The following NDRG2 variants were observed in gnomAD, a reference collection of about 807,000 sequenced individuals.
NDRG2 encodes NDRG family member 2, also known as protein NDRG2.
A neutral mutation model predicts 58.2 loss-of-function variants in NDRG2; 34 were observed. The ratio of observed to expected loss-of-function variants is 0.58; its 90% CI spans 0.44 to 0.78. The LOEUF is 0.78. NDRG2 is among the 30% of genes least tolerant of loss of function. NDRG2 has a pLI of 0.00. For synonymous variants in NDRG2, 187 were observed against 175.9 expected, an observed-to-expected ratio of 1.06 and a Z score of -0.50; for missense variants, 434 against 471.2, an observed-to-expected ratio of 0.92 and a Z score of 0.73.
At chr14:21,049,356 T>A (rs188297414) in intron 1 of NDRG2, among the ~76,000 whole-genome samples, 1 of 152,286 alleles carries the variant, frequency 6.6e-6, no homozygotes, top group Admixed American at 6.5e-5. Flanking sequence ...GTCCAGTGGA[T>A]TGGTTATAGC....
intron 3 of NDRG2, 139 bp downstream of exon 3, chr14:21,022,725 G>C: frequency 2.6e-6 from 2 of 769,926 alleles, no homozygotes; most frequent in Non-Finnish European, 4.2e-6. Context: ...GGAAGGAGAG[G>C]GGAGAGATAG....
intron 1 of NDRG2, among the ~76,000 whole-genome samples, chr14:21,053,159 T>C (rs1885539229): frequency 1.3e-5 from 2 of 152,156 alleles, no homozygotes; most frequent in South Asian, 2.1e-4. Context: ...TTCATGTCAC[T>C]GAAGGTATTC....
At chr14:21,051,535 A>T (rs1885467937) in intron 1 of NDRG2, among the ~76,000 whole-genome samples, 1 of 152,168 alleles carries the variant, frequency 6.6e-6, no homozygotes, top group Admixed American at 6.5e-5. Context: ...CTCCCTCATG[A>T]AGATGAATCC....
chr14:21,050,547 A>G (rs1195166366), intron 1 of NDRG2, among the ~76,000 whole-genome samples: 1 of 152,210 alleles, frequency 6.6e-6, no homozygotes, highest in East Asian at 1.9e-4. Flanking sequence ...TGCTTCCCAG[A>G]ATTTCCCCTG....
At position 21,022,497 on chromosome 14, in the gene NDRG2, T is replaced by C; in HGVS notation, c.118A>G (p.Thr40Ala). 1 of 1,611,266 alleles carries C rather than the reference T, an allele frequency of 6.2e-7. No homozygotes were observed. The highest frequency in any genetic ancestry group is 2.2e-5 in the East Asian group (1 of 44,834). ...AARILLDQGQ[T>A]HSVETPYGSV... Reference sequence around the variant, plus strand: ...CCGTATGGTGTCTCCACAGAGTGAGTCTGCAGGAAAACAGGGCACCAAGAG... The same window carrying C: ...CCGTATGGTGTCTCCACAGAGTGAGCCTGCAGGAAAACAGGGCACCAAGAG... The change falls in exon 4 of 16, where the codon ACT (threonine) becomes GCT (alanine). Residue 40 changes from threonine (T) to alanine (A), a missense_variant and splice_region_variant. By Grantham distance (58) the Thr-to-Ala change is moderately conservative. Coordinates refer to ENST00000556147, the MANE Select transcript of NDRG2 (RefSeq NM_001320329.2).
In NDRG2 at chr14:21,018,481, G is replaced by A; in HGVS notation, c.837C>T (p.Asp279=). Residue 279 remains aspartate (D), a synonymous_variant, in exon 13 of 16, where the codon GAC becomes GAT. Coordinates refer to ENST00000556147, the MANE Select transcript of NDRG2 (RefSeq NM_001320329.2). The stretch of plus-strand genomic sequence containing the variant: ...CCTTGAGGAACGAGGTCTGGGTGGG[G>A]TCCAGTTTTGAGTTACATTCCACCT... ...DAVVECNSKL[D]PTQTSFLKMA... is the part of the protein sequence containing the mutation. The A allele has an allele frequency of 6.2e-7, 1 of 1,614,098 alleles. No homozygotes were observed. The highest frequency in any genetic ancestry group is 8.5e-7 in the Non-Finnish European group (1 of 1,179,992).
At chr14:21,061,899 A>G (rs2319621) in intron 1 of NDRG2, among the ~76,000 whole-genome samples, 134,370 of 152,222 alleles carry the variant, frequency 0.88, 59,410 homozygotes, top group Admixed American at 0.91. Flanking sequence ...AAGGTTTTTA[A>G]GTATTCAGGA....
chr14:21,033,260 C>T, intron 1 of NDRG2: 1 of 314,522 alleles, frequency 3.2e-6, no homozygotes, highest in Non-Finnish European at 6.1e-6. Flanking sequence ...CATGATTTCA[C>T]AGAGAGAAGC....
chr14:21,066,762 G>T (rs1886292246), intron 1 of NDRG2, among the ~76,000 whole-genome samples: 2 of 152,150 alleles, frequency 1.3e-5, no homozygotes, highest in Admixed American at 1.3e-4. Context: ...TGGTGGTATG[G>T]ACCTTGATGA....
chr14:21,043,678 C>T (rs1885017648), intron 1 of NDRG2: 7 of 534,330 alleles, frequency 1.3e-5, no homozygotes. Context: ...TGCTTATCCC[C>T]AAGAAACAGC....
rs1001783881 is a variant in NDRG2 at position 21,024,597 on chromosome 14, C to G, written c.-574G>C. The G allele has an allele frequency of 1.0e-6, 1 of 985,400 alleles. No individual in the cohort carries two copies. Among genetic ancestry groups the G allele is most frequent in the African/African-American group, 1.7e-5 (1 of 57,264 alleles). 61.0% of individuals were successfully genotyped at this position (985,400 alleles called of 1,614,324 possible). A position where few individuals can be genotyped will look rare whatever the true frequency, so the allele number is the denominator to read the frequency against. The stretch of plus-strand genomic sequence containing the variant: ...GGTGCCGTCGCTTCTCTCCTCTACT[C>G]AGTCTCCGTGTAGGTCCCACGAGTG... On this transcript the variant is annotated 5_prime_UTR_variant, in exon 1 of 16. Coordinates refer to ENST00000556147, the MANE Select transcript of NDRG2 (RefSeq NM_001320329.2).
At chr14:21,032,933 A>T in intron 1 of NDRG2, 2 of 455,974 alleles carry the variant, frequency 4.4e-6, no homozygotes, top group South Asian at 3.1e-5. Context: ...GTTACATCTT[A>T]CATACTCAGA....
intron 1 of NDRG2, among the ~76,000 whole-genome samples, chr14:21,046,551 A>ATACATACCTACATACATACC (rs145760049): frequency 4.9e-5 from 7 of 142,048 alleles, no homozygotes; most frequent in Admixed American, 4.1e-4. Flanking sequence ...AAATACATAC[A>ATACATACCTACATACATACC]TACATACATA....
rs377173619 is a variant in NDRG2, at chr14:21,043,262, C to G, written c.25-19941G>C. On this transcript the variant is annotated intron_variant, in intron 1 of 14. Coordinates refer to the NDRG2 transcript ENST00000403829. The stretch of plus-strand genomic sequence containing the variant: ...CCTGCCAGACCCCCAAAATAGCCTG[C>G]AAGAATGGCGATAAAAACTGCCACC... 14 of 1,614,046 alleles carry G rather than the reference C, an allele frequency of 8.7e-6. No homozygotes were observed. In the African/African-American group the frequency reaches 1.9e-4, roughly 22 times the overall value.
At chr14:21,049,671 GAAT>G (rs1486566584) in intron 1 of NDRG2, among the ~76,000 whole-genome samples, 1 of 151,756 alleles carries the variant, frequency 6.6e-6, no homozygotes, top group Non-Finnish European at 1.5e-5. Flanking sequence ...AAGATTACAT[GAAT>G]AATTTAGGCA....
At chr14:21,036,252 A>G (rs1215921676) in intron 1 of NDRG2, 1 of 456,190 alleles carries the variant, frequency 2.2e-6, no homozygotes, top group Non-Finnish European at 4.4e-6. Context: ...CTCAACTCAA[A>G]TATATCTCTT....
In NDRG2 at chr14:21,068,026, G is replaced by A. The variant is rs551654276; in HGVS notation, c.24+2802C>T. 6.3e-4 allele frequency among the ~76,000 whole-genome samples: 9 copies of A among 14,240 alleles called. 3 individuals carry two copies. The South Asian group carries it at 0.015, about 24-fold the overall frequency. 9.3% of individuals were successfully genotyped at this position (14,240 alleles called of 152,430 possible). A position where few individuals can be genotyped will look rare whatever the true frequency, so the allele number is the denominator to read the frequency against. On this transcript the variant is annotated intron_variant, in intron 1 of 14. Transcript: ENST00000403829. ...TTTTTTTTTTTTTTTTTGAGACGGA[G>A]TCTCGCTCTGTCGCCCAGGCTGGAG...
chr14:21,064,452 C>T (rs1472766110), intron 1 of NDRG2, among the ~76,000 whole-genome samples: 6 of 152,136 alleles, frequency 3.9e-5, no homozygotes, highest in Middle Eastern at 3.2e-3. Flanking sequence ...CAGGTGCACA[C>T]TGCCACACCC....
intron 1 of NDRG2, among the ~76,000 whole-genome samples, chr14:21,061,405 GTAGGCTGAAGAAT>G (rs1439329120): frequency 6.6e-6 from 1 of 152,164 alleles, no homozygotes; most frequent in Non-Finnish European, 1.5e-5. Flanking sequence ...ACTTCCTTGT[GTAGGCTGAAGAAT>G]TAGATGGCGT....
Sources: allele counts gnomAD v4.1 joint callset (sites outside exome capture counted in the v4.1 genomes callset), GRCh38; gene constraint gnomAD v4.1.1; transcripts MANE v1.5; gene names NCBI Gene and HGNC (gene_info 2026-07-23, HGNC 2026-07-21).